DPP8: variants seen among roughly 807,000 people sequenced by gnomAD.
DPP8 encodes the protein dipeptidyl peptidase 8.
In DPP8, 31 loss-of-function variants were observed where a neutral mutation model predicts 107.5. The observed-to-expected ratio is 0.29, with a 90% CI of 0.22 to 0.39. The LOEUF is 0.39. Ranked by LOEUF, DPP8 falls within the 10% of genes least tolerant of loss-of-function variation. The pLI is 1.00. For missense variants in DPP8, 842 were observed against 1,076.1 expected (o/e 0.78, Z 3.04); for synonymous variants, 381 against 356.6 (o/e 1.07, Z -0.77).
At chr15:65,455,921 A>C in intron 16 of DPP8, 840 of 1,073,888 alleles carry the variant, frequency 7.8e-4, no homozygotes, top group Non-Finnish European at 9.7e-4. Flanking sequence ...AACAAATCTC[A>C]ATTATTCCTC....
At chr15:65,491,659 T>C (rs1198736338) in intron 5 of DPP8, among the ~76,000 whole-genome samples, 1 of 152,246 alleles carries the variant, frequency 6.6e-6, no homozygotes, top group Non-Finnish European at 1.5e-5. Context: ...TGTATTCCAT[T>C]GCATACCATA....
chr15:65,444,471 A>AG lies in DPP8; in HGVS notation c.*2412dup, dbSNP rs1491207894. 6.6e-6 allele frequency: 1 copy of AG among 152,194 alleles called. No individual in the cohort carries two copies. Among genetic ancestry groups the AG allele is most frequent in the South Asian group, 2.1e-4 (1 of 4,828 alleles). The allele number at this position is 152,194 out of a possible 1,614,324, so 9.4% of individuals were successfully genotyped here. The stretch of plus-strand genomic sequence containing the variant: ...GCCGTTTAAGCTGTTACCCATACTC[A>AG]GGGGGTACAAACTTTTAGTGAGATT... On this transcript the variant is annotated 3_prime_UTR_variant, in exon 20 of 20. Transcript: ENST00000300141.
At chr15:65,515,980 T>C (rs973318450) in intron 1 of DPP8, 4 of 478,248 alleles carry the variant, frequency 8.4e-6, no homozygotes, top group African/African-American at 8.0e-5. Flanking sequence ...TTATTTTATT[T>C]CAGAGATGTG....
At chr15:65,449,134 C>T (rs1172004318) in intron 19 of DPP8, among the ~76,000 whole-genome samples, 3 of 144,188 alleles carry the variant, frequency 2.1e-5, no homozygotes, top group South Asian at 4.3e-4. Flanking sequence ...TGCTTGAACC[C>T]GGGAGGCAGA....
chr15:65,509,079 T>C (rs2070432400), intron 2 of DPP8, among the ~76,000 whole-genome samples: 2 of 152,202 alleles, frequency 1.3e-5, no homozygotes, highest in African/African-American at 2.4e-5. Flanking sequence ...TATCTTTTTT[T>C]ATCCTCTTAT....
chr15:65,485,146 T>C lies in DPP8; in HGVS notation c.970A>G (p.Lys324Glu). The C allele has an allele frequency of 1.2e-6, 2 of 1,606,876 alleles. No homozygotes were observed. Among genetic ancestry groups the C allele is most frequent in the Non-Finnish European group, 1.7e-6 (2 of 1,173,400 alleles). ...ATTTCTGACATCTTAAAAGTGACTTTAGGATTTGCTGTACCTTTAGAAAGA... is the reference window on the plus strand; with the variant it reads ...ATTTCTGACATCTTAAAAGTGACTTCAGGATTTGCTGTACCTTTAGAAAGA... ...RYPKTGTANP[K>E]VTFKMSEIMI... is the part of the protein sequence containing the mutation. The change falls in exon 8 of 20, where the codon AAA becomes GAA. Residue 324 changes from lysine (K) to glutamate (E), a missense_variant. Physicochemically the swap from Lys to Glu is moderately conservative, Grantham distance 56 (BLOSUM62 1). Coordinates refer to ENST00000300141, the MANE Select transcript of DPP8 (RefSeq NM_130434.5).
At chr15:65,513,699 C>T (rs550477655) in intron 1 of DPP8, among the ~76,000 whole-genome samples, 8 of 151,082 alleles carry the variant, frequency 5.3e-5, no homozygotes, top group African/African-American at 1.7e-4. Context: ...TGGGGTTTAC[C>T]GGTTCAACCC....
intron 1 of DPP8, among the ~76,000 whole-genome samples, chr15:65,514,742 C>A (rs1012191083): frequency 7.2e-5 from 11 of 152,154 alleles, no homozygotes; most frequent in African/African-American, 2.7e-4. Context: ...GAACTCCTGA[C>A]CTCATGATCC....
At chr15:65,516,010 G>T (rs897945561) in intron 1 of DPP8, 4 of 422,442 alleles carry the variant, frequency 9.5e-6, no homozygotes, top group African/African-American at 6.1e-5. Flanking sequence ...ATAGTCAAAA[G>T]AATATCCTAA....
chr15:65,461,517 CTTAT>C (rs1205003765), intron 15 of DPP8, among the ~76,000 whole-genome samples: 1 of 152,082 alleles, frequency 6.6e-6, no homozygotes, highest in Admixed American at 6.6e-5. Context: ...GGAAAATCTT[CTTAT>C]TTAGTCTTAC....
Position 65,507,477 on chromosome 15 carries a change from T to C in DPP8, c.260-122A>G, listed in dbSNP as rs116705858. 3.6e-4 allele frequency: 203 copies of C among 562,638 alleles called. 1 individual carries two copies. The highest frequency in any genetic ancestry group is 3.3e-3 in the African/African-American group (169 of 51,202). The allele number at this position is 562,638 out of a possible 1,614,324, so 34.9% of individuals were successfully genotyped here. On this transcript the variant is annotated intron_variant, in intron 2 of 19. Transcript: ENST00000300141. ...ATTTTGCACTCTATGGGATATATAATGAATGTTAACAAGTAGAATGTGCTT... is the reference window on the plus strand; with the variant it reads ...ATTTTGCACTCTATGGGATATATAACGAATGTTAACAAGTAGAATGTGCTT...
At chr15:65,455,987 T>A in intron 16 of DPP8, 1 of 859,214 alleles carries the variant, frequency 1.2e-6, no homozygotes, top group Non-Finnish European at 1.7e-6. Flanking sequence ...CAAGTGGACA[T>A]ACAAAACAGA....
chr15:65,448,862 TAA>T (rs2063704050), intron 19 of DPP8, among the ~76,000 whole-genome samples: 1 of 90,282 alleles, frequency 1.1e-5, no homozygotes, highest in African/African-American at 4.0e-5. Flanking sequence ...CATATATATC[TAA>T]AATATATATA....
intron 17 of DPP8, 132 bp from the exon 18 acceptor site, chr15:65,452,234 CT>C: frequency 1.0e-6 from 1 of 964,598 alleles, no homozygotes; most frequent in Non-Finnish European, 1.4e-6. Flanking sequence ...GCATACATGT[CT>C]TAGGCAACTC....
intron 2 of DPP8, among the ~76,000 whole-genome samples, chr15:65,511,729 C>A (rs2070808105): frequency 5.5e-5 from 1 of 18,100 alleles, no homozygotes; most frequent in South Asian, 3.8e-3. Flanking sequence ...ACACACCACA[C>A]ACACACACAA....
rs1440975115 is a variant in DPP8, at chr15:65,486,051, G to A, written c.956-891C>T. Among the ~76,000 whole-genome samples the A allele has an allele frequency of 2.0e-5, 3 of 147,978 alleles. No homozygotes were observed. The Admixed American group carries it at 2.1e-4, about 10-fold the overall frequency. ...AGAGGTTGAAGTGAGCTGAGATCGT[G>A]CCACTGCATTCCAGCCTGGGCGACA... On this transcript the variant is annotated intron_variant, in intron 7 of 19. Coordinates refer to ENST00000300141, the MANE Select transcript of DPP8 (RefSeq NM_130434.5).
chr15:65,485,241 T>C, intron 7 of DPP8, 81 bp from the exon 8 acceptor site: 1 of 1,086,718 alleles, frequency 9.2e-7, no homozygotes, highest in Non-Finnish European at 1.4e-6. Flanking sequence ...CTCTTTACAC[T>C]TTAGTTAAGA....
intron 19 of DPP8, 128 bp from the exon 20 acceptor site, chr15:65,447,134 G>C (rs2063537972): frequency 1.7e-6 from 1 of 600,522 alleles, no homozygotes; most frequent in Non-Finnish European, 2.7e-6. Flanking sequence ...CAATATTGTA[G>C]AATAAATCCT....
At chr15:65,490,988 T>C (rs1176318584) in intron 5 of DPP8, among the ~76,000 whole-genome samples, 2 of 151,852 alleles carry the variant, frequency 1.3e-5, no homozygotes, top group Non-Finnish European at 2.9e-5. Context: ...TGAAACTCTG[T>C]CTCTACTAAA....
Sources: gnomAD v4.1 joint callset for allele counts (sites outside exome capture counted in the v4.1 genomes callset) on GRCh38, gnomAD v4.1.1 for gene constraint, MANE v1.5 for transcripts, NCBI Gene and HGNC (gene_info 2026-07-23, HGNC 2026-07-21) for gene names.